Variants in SAR1A observed in about 807,000 individuals in gnomAD.
SAR1A encodes the protein small COPII coat GTPase SAR1A.
Under a neutral mutation model 22.6 loss-of-function variants are expected in SAR1A, and 6 were observed. That is an observed-to-expected ratio of 0.27 (90% CI 0.15 to 0.52). SAR1A has a LOEUF of 0.52. Ranked by LOEUF, SAR1A falls within the 20% of genes least tolerant of loss-of-function variation. SAR1A has a pLI of 0.96. For missense variants in SAR1A, 145 were observed against 245.1 expected (o/e 0.59, Z 2.73); for synonymous variants, 70 against 82.2 (o/e 0.85, Z 0.80).
At position 70,152,125 on chromosome 10, in the gene SAR1A, C is replaced by A. The variant is rs569785087; in HGVS notation, c.*351G>T. Reference sequence around the variant, plus strand: ...GGAGGGATACCAATTACATTAACAACGCTTTCTTTAAAAAATAGAATCACT... The same window carrying A: ...GGAGGGATACCAATTACATTAACAAAGCTTTCTTTAAAAAATAGAATCACT... On this transcript the variant is annotated 3_prime_UTR_variant, in exon 7 of 7. Coordinates refer to ENST00000373241, the MANE Select transcript of SAR1A (RefSeq NM_020150.5). 57 of 279,380 alleles carry A rather than the reference C, an allele frequency of 2.0e-4. No homozygotes were observed. Among genetic ancestry groups the A allele is most frequent in the Non-Finnish European group, 3.6e-4 (50 of 139,442 alleles). The allele number at this position is 279,380 out of a possible 1,614,324, so 17.3% of individuals were successfully genotyped here. A position where few individuals can be genotyped will look rare whatever the true frequency, so the allele number is the denominator to read the frequency against.
At chr10:70,156,098 G>C (rs1589874476) in intron 5 of SAR1A, among the ~76,000 whole-genome samples, 1 of 152,256 alleles carries the variant, frequency 6.6e-6, no homozygotes, top group Middle Eastern at 3.4e-3. Flanking sequence ...TTCCATTCTA[G>C]GAAAACAGAA....
rs371947810 is a variant in SAR1A at position 70,168,931 on chromosome 10, TC to T, written c.-17+1481del. Among the ~76,000 whole-genome samples, 13 of 152,018 alleles carry T rather than the reference TC, an allele frequency of 8.6e-5. No individual in the cohort carries two copies. In the East Asian group the frequency reaches 2.1e-3, roughly 25 times the overall value. On this transcript the variant is annotated intron_variant, in intron 1 of 6. Transcript: ENST00000373241. ...GCCTCAACCTCCCAGGCTCAAGAGA[TC>T]CTCCCACCTCAGCCTCCTCAGCAGC...
At chr10:70,165,073 G>A (rs1012834221) in intron 1 of SAR1A, among the ~76,000 whole-genome samples, 5 of 151,920 alleles carry the variant, frequency 3.3e-5, no homozygotes, top group Non-Finnish European at 5.9e-5. Context: ...AGACCATCCC[G>A]GCTAAAACGG....
intron 1 of SAR1A, among the ~76,000 whole-genome samples, chr10:70,167,935 T>C (rs1302054618): frequency 6.6e-6 from 1 of 152,380 alleles, no homozygotes; most frequent in East Asian, 1.9e-4. Context: ...AACTTAAATA[T>C]ACTTAATAAA....
chr10:70,162,769 G>A (rs991257694), intron 1 of SAR1A: 9 of 152,146 alleles, frequency 5.9e-5, no homozygotes, highest in African/African-American at 2.2e-4. Context: ...CCTGAGTTGA[G>A]TAAGTGTATC....
At chr10:70,155,485 G>A (rs1839376685) in intron 5 of SAR1A, among the ~76,000 whole-genome samples, 1 of 152,148 alleles carries the variant, frequency 6.6e-6, no homozygotes, top group Non-Finnish European at 1.5e-5. Context: ...GAATAAGAAT[G>A]TCCTTCATTC....
rs144040731 is a variant in SAR1A at position 70,157,589 on chromosome 10, T to C, written c.348+175A>G. On this transcript the variant is annotated intron_variant, in intron 5 of 6. Coordinates refer to ENST00000373241, the MANE Select transcript of SAR1A (RefSeq NM_020150.5). Reference sequence around the variant, plus strand: ...GTTTGAGCTGAGTTTCCTCAGGACATTGAAAAGCAATGTCTTAGATTTAAA... The same window carrying C: ...GTTTGAGCTGAGTTTCCTCAGGACACTGAAAAGCAATGTCTTAGATTTAAA... The C allele has an allele frequency of 7.2e-4, 398 of 554,190 alleles. 1 individual carries two copies. The highest frequency in any genetic ancestry group is 1.1e-3 in the Non-Finnish European group (336 of 313,108). 34.3% of individuals were successfully genotyped at this position (554,190 alleles called of 1,614,324 possible). A position where few individuals can be genotyped will look rare whatever the true frequency, so the allele number is the denominator to read the frequency against.
At chr10:70,155,219 A>G in intron 5 of SAR1A, 1 of 449,308 alleles carries the variant, frequency 2.2e-6, no homozygotes, top group Non-Finnish European at 4.6e-6. Context: ...TTCATGTAAG[A>G]GATCATGATC....
At chr10:70,163,724 AAAG>A in intron 1 of SAR1A, 2 of 855,896 alleles carry the variant, frequency 2.3e-6, no homozygotes, top group South Asian at 2.7e-5. Context: ...TGTAGAATTC[AAAG>A]AAGTTTTTTC....
At chr10:70,152,765 G>A (rs1327826968) in intron 6 of SAR1A, among the ~76,000 whole-genome samples, 173 bp from the exon 7 acceptor site, 1 of 152,238 alleles carries the variant, frequency 6.6e-6, no homozygotes, top group East Asian at 1.9e-4. Context: ...CGTGTTTTCA[G>A]GATAGAATAA....
intron 1 of SAR1A, chr10:70,166,807 A>G (rs1839558040): frequency 6.7e-6 from 1 of 148,294 alleles, no homozygotes; most frequent in Non-Finnish European, 1.5e-5. Context: ...TGGGTAACAT[A>G]GAGAGACCTG....
chr10:70,161,522 T>C, intron 3 of SAR1A, 97 bp downstream of exon 3: 3 of 1,461,628 alleles, frequency 2.1e-6, no homozygotes, highest in Non-Finnish European at 2.8e-6. Flanking sequence ...TTTTGGGACT[T>C]CAGTTAATAA....
intron 3 of SAR1A, 29 bp downstream of exon 3, chr10:70,161,589 CA>C: frequency 6.2e-7 from 1 of 1,610,510 alleles, no homozygotes; most frequent in Non-Finnish European, 8.5e-7. Flanking sequence ...CTTTAAAGAT[CA>C]AAAGGTCACC....
intron 5 of SAR1A, among the ~76,000 whole-genome samples, chr10:70,157,420 AAAAAAAAAAC>A (rs1254028356): frequency 8.5e-5 from 10 of 116,970 alleles, no homozygotes; most frequent in African/African-American, 2.6e-4. Flanking sequence ...AAAAAAAAAA[AAAAAAAAAAC>A]AGAATTACTG....
At chr10:70,168,021 C>T (rs1325555044) in intron 1 of SAR1A, among the ~76,000 whole-genome samples, 1 of 152,194 alleles carries the variant, frequency 6.6e-6, no homozygotes, top group Admixed American at 6.5e-5. Flanking sequence ...CTCCCTCAAA[C>T]CAAACATCCT....
Position 70,150,460 on chromosome 10 carries a change from C to T in SAR1A, c.*2016G>A, listed in dbSNP as rs1839312919. 1 of 152,164 alleles carries T rather than the reference C, an allele frequency of 6.6e-6. No homozygotes were observed. The highest frequency in any genetic ancestry group is 2.4e-5 in the African/African-American group (1 of 41,438). 9.4% of individuals were successfully genotyped at this position (152,164 alleles called of 1,614,324 possible). ...ACATTGGTTCTAACTGATTTTCAAT[C>T]CCCTTTCTCCAGTGGAATAAACCAC... On this transcript the variant is annotated 3_prime_UTR_variant, in exon 7 of 7. Coordinates refer to ENST00000373241, the MANE Select transcript of SAR1A (RefSeq NM_020150.5).
At position 70,161,088 on chromosome 10, in the gene SAR1A, A is replaced by G. The variant is rs1463033638; in HGVS notation, c.179-19T>C. On this transcript the variant is annotated intron_variant, in intron 3 of 6. Coordinates refer to ENST00000373241, the MANE Select transcript of SAR1A (RefSeq NM_020150.5). Reference sequence around the variant, plus strand: ...TCTGATGCTGAAAAATTGTTTAAAAAGAAGAAAAAAACTTGTCAACTCAAC... The same window carrying G: ...TCTGATGCTGAAAAATTGTTTAAAAGGAAGAAAAAAACTTGTCAACTCAAC... 6.2e-7 allele frequency: 1 copy of G among 1,602,428 alleles called. No individual in the cohort carries two copies. The highest frequency in any genetic ancestry group is 1.3e-5 in the African/African-American group (1 of 74,354).
At position 70,161,183 on chromosome 10, in the gene SAR1A, T is replaced by C. The variant is rs182369673; in HGVS notation, c.179-114A>G. On this transcript the variant is annotated intron_variant, in intron 3 of 6. Coordinates refer to ENST00000373241, the MANE Select transcript of SAR1A (RefSeq NM_020150.5). The stretch of plus-strand genomic sequence containing the variant: ...CTTGTAAAGAAAAAGATACAAGAAG[T>C]TGAGTGTGGTGGTACCCGCCTGTAG... 1.0e-3 allele frequency: 808 copies of C among 789,056 alleles called. 1 individual carries two copies. Among genetic ancestry groups the C allele is most frequent in the Non-Finnish European group, 1.5e-3 (727 of 492,164 alleles). The allele number at this position is 789,056 out of a possible 1,614,324, so 48.9% of individuals were successfully genotyped here.
chr10:70,164,004 CATGTGATG>C, intron 1 of SAR1A: 1 of 973,892 alleles, frequency 1.0e-6, no homozygotes, highest in Non-Finnish European at 1.7e-6. Flanking sequence ...AGAACTTCAC[CATGTGATG>C]ACAAACCTTG....
Sources: gnomAD v4.1 joint callset for allele counts (sites outside exome capture counted in the v4.1 genomes callset) on GRCh38, gnomAD v4.1.1 for gene constraint, MANE v1.5 for transcripts, NCBI Gene and HGNC (gene_info 2026-07-23, HGNC 2026-07-21) for gene names.